Variants in SYNGR1 observed in about 807,000 individuals in gnomAD.
SYNGR1 encodes synaptogyrin 1, also known as synaptogyrin-1.
SYNGR1 carries 14 observed loss-of-function variants against 26.1 expected under a neutral mutation model. That is an observed-to-expected ratio of 0.54 (90% CI 0.35 to 0.84). The LOEUF (loss-of-function observed/expected upper bound fraction) is 0.84, where lower values mean the gene tolerates loss of function less well. Among genes scored for constraint, SYNGR1 ranks in the 40% least tolerant of loss-of-function variants. The pLI is 0.01. For synonymous variants in SYNGR1, 141 were observed against 150.1 expected (o/e 0.94, Z 0.44); for missense variants, 319 against 332.9 (o/e 0.96, Z 0.33).
Position 39,376,117 on chromosome 22 carries a change from C to T in SYNGR1, c.403C>T (p.Pro135Ser), listed in dbSNP as rs1925270666. ...YLANQWQVSK[P>S]KDNPLNEGTD... ...GGCCAACCAGTGGCAGGTCTCCAAG[C>T]CCAAGGACAACCCACTGAACGAAGG... The change falls in exon 3 of 4, where the codon CCC becomes TCC. Residue 135 changes from proline (P) to serine (S), a missense_variant. By Grantham distance (74) the Pro-to-Ser change is moderately conservative (BLOSUM62 -1). Transcript: ENST00000328933. 3 of 1,614,220 alleles carry T rather than the reference C, an allele frequency of 1.9e-6. No homozygotes were observed. Among genetic ancestry groups the T allele is most frequent in the Non-Finnish European group, 2.5e-6 (3 of 1,180,046 alleles).
chr22:39,376,332 G>C, intron 3 of SYNGR1, 135 bp downstream of exon 3: 2 of 1,452,146 alleles, frequency 1.4e-6, no homozygotes, highest in Admixed American at 1.7e-5. Context: ...TCTTCTGCCT[G>C]CCTGTCTGCG....
intron 3 of SYNGR1, chr22:39,377,809 C>T: frequency 6.5e-7 from 1 of 1,532,170 alleles, no homozygotes; most frequent in Non-Finnish European, 8.8e-7. Flanking sequence ...GGAAGGCTGG[C>T]TTGAGGAACC....
chr22:39,351,516 T>A (rs1454805409), intron 1 of SYNGR1, among the ~76,000 whole-genome samples: 2 of 152,164 alleles, frequency 1.3e-5, no homozygotes, highest in Non-Finnish European at 2.9e-5. Flanking sequence ...AGTCTCCTGC[T>A]CCCCAGATGC....
intron 1 of SYNGR1, among the ~76,000 whole-genome samples, chr22:39,359,876 C>T (rs879391857): frequency 1.5e-4 from 23 of 152,182 alleles, no homozygotes; most frequent in East Asian, 3.9e-4. Context: ...TCCATCCAGG[C>T]GTCTCCTCCA....
At position 39,381,840 on chromosome 22, in the gene SYNGR1, A is replaced by T. The variant is rs1419123298; in HGVS notation, c.628A>T (p.Met210Leu). The change falls in exon 4 of 4, where the codon ATG becomes TTG. Residue 210 changes from methionine to leucine, a missense_variant. Met to Leu is a conservative substitution (Grantham distance 15). Coordinates refer to ENST00000328933, the MANE Select transcript of SYNGR1 (RefSeq NM_004711.5). ...GCCCACTGGGCCGGATCCCGCCGGTATGGGCGGCACCTACCAGCAGCCGGC... is the reference window on the plus strand; with the variant it reads ...GCCCACTGGGCCGGATCCCGCCGGTTTGGGCGGCACCTACCAGCAGCCGGC... ...VEPTGPDPAGMGGTYQQPANT... is the reference protein window; with the variant it reads ...VEPTGPDPAGLGGTYQQPANT... 6.2e-7 allele frequency: 1 copy of T among 1,612,840 alleles called. No individual in the cohort carries two copies. Among genetic ancestry groups the T allele is most frequent in the Admixed American group, 1.7e-5 (1 of 59,992 alleles).
At chr22:39,351,861 A>G (rs1601646697) in intron 1 of SYNGR1, among the ~76,000 whole-genome samples, 1 of 152,212 alleles carries the variant, frequency 6.6e-6, no homozygotes, top group Non-Finnish European at 1.5e-5. Context: ...CTGCTGTGGA[A>G]TCAAATTTCA....
intron 1 of SYNGR1, among the ~76,000 whole-genome samples, chr22:39,371,445 C>T (rs1925013357): frequency 6.7e-6 from 1 of 148,186 alleles, no homozygotes; most frequent in Non-Finnish European, 1.5e-5. Flanking sequence ...CATTGCACTC[C>T]AGCCTGGGCA....
At chr22:39,359,332 C>T (rs542193426) in intron 1 of SYNGR1, among the ~76,000 whole-genome samples, 1 of 151,998 alleles carries the variant, frequency 6.6e-6, no homozygotes, top group African/African-American at 2.4e-5. Flanking sequence ...TTCAAAGATG[C>T]CCCCCCAGGC....
intron 1 of SYNGR1, among the ~76,000 whole-genome samples, chr22:39,356,403 G>C (rs774517309): frequency 1.3e-5 from 2 of 152,146 alleles, no homozygotes; most frequent in African/African-American, 4.8e-5. Flanking sequence ...GGTGCGTTTT[G>C]TTATCCCCTC....
intron 1 of SYNGR1, among the ~76,000 whole-genome samples, chr22:39,355,260 G>A (rs1362029040): frequency 6.6e-6 from 1 of 152,156 alleles, no homozygotes; most frequent in South Asian, 2.1e-4. Context: ...AGGGTATTTC[G>A]GAAGCTCCTG....
chr22:39,374,400 A>C lies in SYNGR1; in HGVS notation c.184A>C (p.Asn62His). 4.3e-6 allele frequency: 7 copies of C among 1,614,040 alleles called. No individual in the cohort carries two copies. Among genetic ancestry groups the C allele is most frequent in the Non-Finnish European group, 5.9e-6 (7 of 1,180,026 alleles). ...CGAGGGGGAGGAGTTCTGCATCTAC[A>C]ACCGCAACCCCAACGCCTGCAGCTA... ...ASEGEEFCIY[N>H]RNPNACSYGV... is the part of the protein sequence containing the mutation. Residue 62 changes from asparagine to histidine, a missense_variant, in exon 2 of 4, where the codon AAC becomes CAC. Coordinates refer to ENST00000328933, the MANE Select transcript of SYNGR1 (RefSeq NM_004711.5).
At position 39,350,169 on chromosome 22, in the gene SYNGR1, CG is replaced by C; in HGVS notation, c.99+62del. The C allele has an allele frequency of 8.2e-7, 1 of 1,224,572 alleles. No individual in the cohort carries two copies. Among genetic ancestry groups the C allele is most frequent in the Non-Finnish European group, 1.1e-6 (1 of 951,010 alleles). The allele number at this position is 1,224,572 out of a possible 1,614,324, so 75.9% of individuals were successfully genotyped here. A position where few individuals can be genotyped will look rare whatever the true frequency, so the allele number is the denominator to read the frequency against. On this transcript the variant is annotated intron_variant, in intron 1 of 3. Transcript: ENST00000328933. This position sits in a 1 kb window ranked among gnomAD's most constrained non-coding sequence, Gnocchi z 4.3. ...GGGGTGGTGGGGGTGTGAGCAAAGG[CG>C]GCGCGCCCGGACCGACCCCGACCCC...
intron 1 of SYNGR1, among the ~76,000 whole-genome samples, chr22:39,357,506 C>G (rs1416708382): frequency 6.6e-6 from 1 of 152,208 alleles, no homozygotes; most frequent in African/African-American, 2.4e-5. Flanking sequence ...AGGCTAGAGC[C>G]CACTCCCTCA....
intron 3 of SYNGR1, chr22:39,377,376 C>T (rs1415098891): frequency 1.0e-6 from 1 of 985,410 alleles, no homozygotes; most frequent in Non-Finnish European, 1.2e-6. Context: ...CCAGGTGACC[C>T]CAGGGGATCT....
chr22:39,379,702 G>A (rs1306688438), intron 3 of SYNGR1: 2 of 151,490 alleles, frequency 1.3e-5, no homozygotes, highest in Non-Finnish European at 2.9e-5. Flanking sequence ...GGAATAAAAC[G>A]CTAGGTATAT....
chr22:39,374,550 T>A lies in SYNGR1; in HGVS notation c.334T>A (p.Ser112Thr). 1 of 1,613,060 alleles carries A rather than the reference T, an allele frequency of 6.2e-7. No individual in the cohort carries two copies. Among genetic ancestry groups the A allele is most frequent in the Non-Finnish European group, 8.5e-7 (1 of 1,179,946 alleles). Residue 112 changes from serine to threonine, a missense_variant, in exon 2 of 4, where the codon TCG becomes ACG. Coordinates refer to ENST00000328933, the MANE Select transcript of SYNGR1 (RefSeq NM_004711.5). Reference sequence around the variant, plus strand: ...AGCCGTCCTGTCCGACATCGGTGTCTCGGGTGAGCCCCACCCAGCAGGTAC... The same window carrying A: ...AGCCGTCCTGTCCGACATCGGTGTCACGGGTGAGCCCCACCCAGCAGGTAC... ...KKAVLSDIGVSAFWAFLWFVG... is the reference protein window; with the variant it reads ...KKAVLSDIGVTAFWAFLWFVG...
intron 1 of SYNGR1, among the ~76,000 whole-genome samples, chr22:39,360,711 C>T (rs1184342378): frequency 1.3e-5 from 2 of 152,066 alleles, no homozygotes; most frequent in African/African-American, 2.4e-5. Flanking sequence ...GTGGTGGAAA[C>T]CAGTTAAAAT....
intron 1 of SYNGR1, among the ~76,000 whole-genome samples, chr22:39,355,395 T>G (rs137706): frequency 0.81 from 122,232 of 151,646 alleles, 49,719 homozygotes; most frequent in East Asian, 1. Context: ...CCCTTGTTTG[T>G]TATTTATTGC....
rs113444516 is a variant in SYNGR1, at chr22:39,361,790, A to C, written c.99+11681A>C. 2.2e-3 allele frequency among the ~76,000 whole-genome samples: 340 copies of C among 152,118 alleles called. 2 individuals are homozygous for C. The highest frequency in any genetic ancestry group is 7.9e-3 in the African/African-American group (329 of 41,478). On this transcript the variant is annotated intron_variant, in intron 1 of 3. Coordinates refer to ENST00000328933, the MANE Select transcript of SYNGR1 (RefSeq NM_004711.5). ...GAGGTCTAGCCCTGAAGGGCTCTGCAGTGTTTGGTTGGCATTTACACCCCT... is the reference window on the plus strand; with the variant it reads ...GAGGTCTAGCCCTGAAGGGCTCTGCCGTGTTTGGTTGGCATTTACACCCCT...
Sources: gnomAD v4.1 joint callset for allele counts (sites outside exome capture counted in the v4.1 genomes callset) on GRCh38, gnomAD v4.1.1 for gene constraint, Gnocchi (gnomAD v3.1) non-coding constraint, MANE v1.5 for transcripts, NCBI Gene and HGNC (gene_info 2026-07-23, HGNC 2026-07-21) for gene names.